Variants in ABCC12 observed in about 807,000 individuals in gnomAD.
The protein encoded by ABCC12 is ATP-binding cassette sub-family C member 12.
Under a neutral mutation model 151.1 loss-of-function variants are expected in ABCC12, and 142 were observed. The observed-to-expected ratio is 0.94, with a 90% CI of 0.82 to 1.08. ABCC12 has a LOEUF of 1.08. ABCC12 is among the 50% of genes least tolerant of loss of function. ABCC12 has a pLI of 0.00. For synonymous variants in ABCC12, 645 were observed against 646.4 expected (o/e 1.00, Z 0.03); for missense variants, 1,638 against 1,691.1 (o/e 0.97, Z 0.55).
Position 48,107,402 on chromosome 16 carries a change from C to A in ABCC12, c.2395G>T (p.Val799Leu). 1 of 1,614,162 alleles carries A rather than the reference C, an allele frequency of 6.2e-7. No individual in the cohort carries two copies. The highest frequency in any genetic ancestry group is 8.5e-7 in the Non-Finnish European group (1 of 1,180,036). The change falls in exon 20 of 31, where the codon GTG (valine) becomes TTG (leucine). Residue 799 changes from valine to leucine, a missense_variant. Val to Leu is a conservative substitution (Grantham distance 32). Coordinates refer to ENST00000311303, the MANE Select transcript of ABCC12 (RefSeq NM_001393797.1). ...CCAATCATCAGGAGGAAGAGGAACA[C>A]AGTGAAGAGAGAAAGGAGGTACCCT... ...SGGYLLSLFTVFLFLLMIGSA... is the reference protein window; with the variant it reads ...SGGYLLSLFTLFLFLLMIGSA...
At chr16:48,126,533 A>G (rs529967289) in intron 11 of ABCC12, among the ~76,000 whole-genome samples, 1 of 152,258 alleles carries the variant, frequency 6.6e-6, no homozygotes. Context: ...CATAATTGTT[A>G]AAGAAAAAGG....
chr16:48,145,159 A>C (rs779255111), intron 3 of ABCC12, among the ~76,000 whole-genome samples: 5 of 152,112 alleles, frequency 3.3e-5, no homozygotes, highest in Admixed American at 6.6e-5. Flanking sequence ...CTCACCTTCC[A>C]ACCTCCACCT....
Position 48,121,697 on chromosome 16 carries a change from C to G in ABCC12, c.1712+19G>C. 1.2e-6 allele frequency: 2 copies of G among 1,613,870 alleles called. No individual in the cohort carries two copies. The highest frequency in any genetic ancestry group is 1.7e-6 in the Non-Finnish European group (2 of 1,179,874). On this transcript the variant is annotated intron_variant, in intron 13 of 30. Coordinates refer to ENST00000311303, the MANE Select transcript of ABCC12 (RefSeq NM_001393797.1). ...GTACCAAACACAAATGTGCCTCCTG[C>G]TTTAAAAGTTAATATTACCTTTGGT... is the stretch of plus-strand genomic sequence containing the variant.
intron 13 of ABCC12, chr16:48,121,155 A>G (rs1964053808): frequency 6.6e-6 from 1 of 152,222 alleles, no homozygotes; most frequent in African/African-American, 2.4e-5. Context: ...ACAAAAGTGT[A>G]CCCCATAGAT....
At chr16:48,102,587 A>G (rs1345229978) in intron 22 of ABCC12, among the ~76,000 whole-genome samples, 1 of 152,142 alleles carries the variant, frequency 6.6e-6, no homozygotes, top group Non-Finnish European at 1.5e-5. Context: ...CAGCAGCAAG[A>G]GTCCAGCTCT....
intron 24 of ABCC12, among the ~76,000 whole-genome samples, chr16:48,096,397 G>A (rs1963095178): frequency 6.6e-6 from 1 of 152,174 alleles, no homozygotes; most frequent in Non-Finnish European, 1.5e-5. Context: ...CTCCATGGCT[G>A]GGGCAGGAAA....
chr16:48,120,813 C>T (rs1322309227), intron 13 of ABCC12, among the ~76,000 whole-genome samples: 1 of 152,116 alleles, frequency 6.6e-6, no homozygotes, highest in Non-Finnish European at 1.5e-5. Context: ...CTCGGACTCC[C>T]AAAGTTCTGG....
At chr16:48,098,136 CACAG>C (rs1291810987) in intron 23 of ABCC12, among the ~76,000 whole-genome samples, 35 of 146,802 alleles carry the variant, frequency 2.4e-4, no homozygotes, top group Middle Eastern at 3.5e-3. Context: ...CACACACACA[CACAG>C]CATAGCCTTG....
chr16:48,140,608 A>G (rs1356716347), intron 6 of ABCC12, 79 bp downstream of exon 6: 2 of 1,364,138 alleles, frequency 1.5e-6, no homozygotes, highest in Non-Finnish European at 2.1e-6. Flanking sequence ...CAGGTGCTCC[A>G]CTCAGGATCC....
At chr16:48,084,189 G>C in intron 29 of ABCC12, 116 bp from the exon 30 acceptor site, 1 of 1,077,960 alleles carries the variant, frequency 9.3e-7, no homozygotes, top group Non-Finnish European at 1.3e-6. Flanking sequence ...AAGATGAAAA[G>C]TAATTAGCTA....
rs1262788965 is a variant in ABCC12 at position 48,088,580 on chromosome 16, C to A, written c.3440G>T (p.Gly1147Val). The A allele has an allele frequency of 3.1e-6, 5 of 1,614,142 alleles. No homozygotes were observed. The South Asian group carries it at 5.5e-5, about 18-fold the overall frequency. The change falls in exon 26 of 31, where the codon GGG (glycine) becomes GTG (valine). Residue 1147 changes from glycine (G) to valine (V), a missense_variant. By Grantham distance (109) the Gly-to-Val change is moderately radical. Coordinates refer to ENST00000311303, the MANE Select transcript of ABCC12 (RefSeq NM_001393797.1). The stretch of plus-strand genomic sequence containing the variant: ...TCTTCCAACAATCCCGACTGTCTGC[C>A]CACTTTGTATGTTCAAGTTCAGGCT... ...LDSLNLNIQS[G>V]QTVGIVGRTG...
chr16:48,099,072 T>C (rs1435571466), intron 23 of ABCC12, among the ~76,000 whole-genome samples: 1 of 152,160 alleles, frequency 6.6e-6, no homozygotes, highest in Non-Finnish European at 1.5e-5. Context: ...TCTGAGATCC[T>C]GGGTGGTAAA....
At chr16:48,089,201 C>T (rs760370685) in intron 25 of ABCC12, among the ~76,000 whole-genome samples, 30 of 152,196 alleles carry the variant, frequency 2.0e-4, no homozygotes, top group Non-Finnish European at 3.7e-4. Flanking sequence ...TGGAGCTTAG[C>T]GAATAGAGGG....
Position 48,140,889 on chromosome 16 carries a change from G to C in ABCC12, c.455C>G (p.Thr152Ser). 6 of 1,614,128 alleles carry C rather than the reference G, an allele frequency of 3.7e-6. No homozygotes were observed. Among genetic ancestry groups the C allele is most frequent in the Non-Finnish European group, 5.1e-6 (6 of 1,180,030 alleles). ...CCAGACTTTCCCAGAGGTCCTCTCA[G>C]TCTGCTGGAGGATTTGGTGAATGAG... ...TVLIHQILQQ[T>S]ERTSGKVWVG... Residue 152 changes from threonine to serine, a missense_variant, in exon 6 of 31, where the codon ACT (threonine) becomes AGT (serine). Physicochemically the swap from Thr to Ser is moderately conservative, Grantham distance 58. Transcript: ENST00000311303.
At chr16:48,152,462 A>C (rs11861127) in intron 2 of ABCC12, among the ~76,000 whole-genome samples, 22,944 of 152,080 alleles carry the variant, frequency 0.15, 2,936 homozygotes, top group African/African-American at 0.35. Flanking sequence ...CATGATCAAC[A>C]ACCTACGACC....
chr16:48,117,704 ATGGC>A (rs1963934951), intron 13 of ABCC12, among the ~76,000 whole-genome samples: 1 of 152,108 alleles, frequency 6.6e-6, no homozygotes, highest in African/African-American at 2.4e-5. Context: ...GTTACTGGGG[ATGGC>A]CTCCTGGGGG....
intron 22 of ABCC12, among the ~76,000 whole-genome samples, chr16:48,102,942 C>G (rs1271416196): frequency 6.6e-6 from 1 of 152,198 alleles, no homozygotes; most frequent in East Asian, 1.9e-4. Context: ...CACCTCTCTT[C>G]TGTTCCCACT....
At chr16:48,097,571 G>C (rs1963146855) in intron 23 of ABCC12, among the ~76,000 whole-genome samples, 1 of 152,186 alleles carries the variant, frequency 6.6e-6, no homozygotes, top group African/African-American at 2.4e-5. Flanking sequence ...GAGTGACAGG[G>C]AGATGACACA....
Position 48,096,787 on chromosome 16 carries a change from T to C in ABCC12, c.3154A>G (p.Ser1052Gly). The C allele has an allele frequency of 6.2e-7, 1 of 1,614,030 alleles. No homozygotes were observed. The highest frequency in any genetic ancestry group is 8.5e-7 in the Non-Finnish European group (1 of 1,179,934). ...AATGACAGGCCTTTGGATGAAGTAC[T>C]GATGGAGGAGAAACTCAGGGTCACC... ...LLVTLSFSSI[S>G]TSSKGLSLSY... Residue 1052 changes from serine to glycine, a missense_variant, in exon 24 of 31, where the codon AGT becomes GGT. Ser to Gly is a moderately conservative substitution (Grantham distance 56). Transcript: ENST00000311303.
Sources: allele counts gnomAD v4.1 joint callset (sites outside exome capture counted in the v4.1 genomes callset), GRCh38; gene constraint gnomAD v4.1.1; transcripts MANE v1.5; gene names NCBI Gene and HGNC (gene_info 2026-07-23, HGNC 2026-07-21).